The following SLC25A26 variants were observed in gnomAD, a reference collection of about 807,000 sequenced individuals.
The protein encoded by SLC25A26 is mitochondrial S-adenosylmethionine carrier protein.
In SLC25A26, 36 loss-of-function variants were observed where a neutral mutation model predicts 37.8. The observed-to-expected ratio is 0.95, with a 90% CI of 0.73 to 1.26. The LOEUF is 1.26. SLC25A26 is among the 50% of genes most tolerant of loss of function. The probability of loss-of-function intolerance (pLI) is 0.00; values close to 1 mark genes in which losing one functional copy is unlikely to be tolerated. For missense variants in SLC25A26, 390 were observed against 331.1 expected (o/e 1.18, Z -1.38); for synonymous variants, 129 against 122.5 (o/e 1.05, Z -0.35).
intron 1 of SLC25A26, among the ~76,000 whole-genome samples, chr3:66,211,364 G>C (rs2071281792): frequency 6.6e-6 from 1 of 151,932 alleles, no homozygotes. Context: ...TGGAAGGTTT[G>C]CAATGAGAAA....
At chr3:66,236,770 A>C in intron 2 of SLC25A26, 70 bp downstream of exon 2, 1 of 1,188,002 alleles carries the variant, frequency 8.4e-7, no homozygotes, top group Admixed American at 2.6e-5. Flanking sequence ...GTGTGGTCTT[A>C]CCCCCATAGA....
At chr3:66,298,904 C>T (rs2074987740) in intron 5 of SLC25A26, among the ~76,000 whole-genome samples, 1 of 152,154 alleles carries the variant, frequency 6.6e-6, no homozygotes, top group Admixed American at 6.5e-5. Context: ...TCTTTTCCCT[C>T]CCCCAGATCC....
At chr3:66,134,150 T>G (rs776414411) in intron 1 of SLC25A26, among the ~76,000 whole-genome samples, 2 of 152,232 alleles carry the variant, frequency 1.3e-5, no homozygotes, top group Non-Finnish European at 2.9e-5. Context: ...GATAACTAGT[T>G]TGACTTGGTC....
At chr3:66,186,410 AACTG>A (rs1378672870) in intron 1 of SLC25A26, among the ~76,000 whole-genome samples, 2 of 151,816 alleles carry the variant, frequency 1.3e-5, no homozygotes, top group Non-Finnish European at 2.9e-5. Context: ...GACACCTTGA[AACTG>A]ACTGACCTCC....
At chr3:66,374,146 G>A (rs1371492250) in intron 9 of SLC25A26, among the ~76,000 whole-genome samples, 1 of 152,232 alleles carries the variant, frequency 6.6e-6, no homozygotes, top group East Asian at 1.9e-4. Flanking sequence ...TCTGCTTACA[G>A]AAGTAATACA....
At chr3:66,298,585 A>G (rs1453487736) in intron 5 of SLC25A26, among the ~76,000 whole-genome samples, 2 of 152,202 alleles carry the variant, frequency 1.3e-5, no homozygotes, top group African/African-American at 4.8e-5. Context: ...TTAAGAAAAG[A>G]GCATTTAAGG....
intron 5 of SLC25A26, among the ~76,000 whole-genome samples, chr3:66,293,762 A>G (rs932883876): frequency 6.6e-6 from 1 of 152,062 alleles, no homozygotes; most frequent in Non-Finnish European, 1.5e-5. Flanking sequence ...GTATATATGT[A>G]CCACATTTCC....
At chr3:66,235,462 T>TA (rs373709228) in intron 1 of SLC25A26, among the ~76,000 whole-genome samples, 151,385 of 152,194 alleles carry the variant, frequency 0.99, 75,296 homozygotes, top group Middle Eastern at 1. Context: ...ATTTAGCTCT[T>TA]AAAAAAATCA....
At chr3:66,353,880 A>G (rs566126396) in intron 6 of SLC25A26, among the ~76,000 whole-genome samples, 39 of 152,290 alleles carry the variant, frequency 2.6e-4, no homozygotes, top group African/African-American at 7.0e-4. Context: ...GGAAGAAACT[A>G]TGTCTTCTGT....
intron 1 of SLC25A26, among the ~76,000 whole-genome samples, chr3:66,143,444 G>T (rs2070067013): frequency 6.6e-6 from 1 of 152,170 alleles, no homozygotes; most frequent in South Asian, 2.1e-4. Context: ...TGCTCTACGT[G>T]CTGGCAACAC....
At chr3:66,337,937 AATT>A (rs2107704626) in intron 5 of SLC25A26, among the ~76,000 whole-genome samples, 1 of 152,128 alleles carries the variant, frequency 6.6e-6, no homozygotes, top group East Asian at 1.9e-4. Context: ...GAAATGCACA[AATT>A]ATATATGTAC....
At chr3:66,315,681 C>T (rs953174824) in intron 5 of SLC25A26, among the ~76,000 whole-genome samples, 1 of 152,122 alleles carries the variant, frequency 6.6e-6, no homozygotes, top group African/African-American at 2.4e-5. Flanking sequence ...TGTTAATTTT[C>T]TGTCTCAATG....
In SLC25A26 at chr3:66,172,410, G is replaced by GAAAAAA. The variant is rs1199322248; in HGVS notation, c.-354+38441_-354+38446dup. Among the ~76,000 whole-genome samples the GAAAAAA allele has an allele frequency of 4.8e-4, 36 of 75,174 alleles. 2 individuals are homozygous for GAAAAAA. Among genetic ancestry groups the GAAAAAA allele is most frequent in the East Asian group, 3.2e-3 (7 of 2,220 alleles). 49.3% of individuals were successfully genotyped at this position (75,174 alleles called of 152,430 possible). ...TGGGCCAGAGAGTGATACCTGTAAA[G>GAAAAAA]AAAAAAAAAAAAAAAAAAAAGGAAA... is the stretch of plus-strand genomic sequence containing the variant. On this transcript the variant is annotated intron_variant, in intron 1 of 10. Transcript: ENST00000676754.
Position 66,263,384 on chromosome 3 carries a change from G to A in SLC25A26, c.453+5G>A. ...AAAAGCACAGTTTTAAGAGAGGTAAGTCACTTACTTTCCAATATTGAAGTA... is the reference window on the plus strand; with the variant it reads ...AAAAGCACAGTTTTAAGAGAGGTAAATCACTTACTTTCCAATATTGAAGTA... On this transcript the variant is annotated splice_donor_5th_base_variant and intron_variant, in intron 5 of 9. Transcript: ENST00000354883. 6.3e-7 allele frequency: 1 copy of A among 1,596,220 alleles called. No individual in the cohort carries two copies. The highest frequency in any genetic ancestry group is 2.2e-5 in the East Asian group (1 of 44,740).
At chr3:66,377,612 C>T in intron 9 of SLC25A26, 78 bp from the exon 10 acceptor site, 1 of 1,146,276 alleles carries the variant, frequency 8.7e-7, no homozygotes, top group South Asian at 1.3e-5. Context: ...GTGTATTGAG[C>T]TGAGCAAGCT....
At chr3:66,142,289 T>A (rs1441052579) in intron 1 of SLC25A26, among the ~76,000 whole-genome samples, 2 of 152,202 alleles carry the variant, frequency 1.3e-5, no homozygotes, top group East Asian at 3.9e-4. Flanking sequence ...TTGAGGTTCA[T>A]CCAGGCCATC....
chr3:66,371,577 CAAG>C (rs755300943), intron 9 of SLC25A26, among the ~76,000 whole-genome samples: 1 of 152,130 alleles, frequency 6.6e-6, no homozygotes, highest in Non-Finnish European at 1.5e-5. Flanking sequence ...GGTTTTGAAA[CAAG>C]AACTGGGGCA....
At chr3:66,164,416 G>A (rs2070398209) in intron 1 of SLC25A26, among the ~76,000 whole-genome samples, 1 of 151,990 alleles carries the variant, frequency 6.6e-6, no homozygotes. Flanking sequence ...ATGGATGAAA[G>A]GCATAAGGGA....
At chr3:66,276,745 G>C (rs961332145) in intron 5 of SLC25A26, among the ~76,000 whole-genome samples, 1 of 151,912 alleles carries the variant, frequency 6.6e-6, no homozygotes, top group Non-Finnish European at 1.5e-5. Flanking sequence ...CAAGTAACTA[G>C]CAGATAATTT....
Sources: gnomAD v4.1 joint callset for allele counts (sites outside exome capture counted in the v4.1 genomes callset) on GRCh38, gnomAD v4.1.1 for gene constraint, MANE v1.5 for transcripts, NCBI Gene and HGNC (gene_info 2026-07-23, HGNC 2026-07-21) for gene names.